The following ZNF770 variants were observed in gnomAD, a reference collection of about 807,000 sequenced individuals.
The protein encoded by ZNF770 is zinc finger protein 770.
ZNF770 carries 13 observed loss-of-function variants against 44.8 expected under a neutral mutation model. That is an observed-to-expected ratio of 0.29 (90% CI 0.19 to 0.46). The LOEUF is 0.46. ZNF770 is among the 20% of genes least tolerant of loss of function. The probability of loss-of-function intolerance (pLI) is 1.00; values close to 1 mark genes in which losing one functional copy is unlikely to be tolerated. For missense variants in ZNF770, 681 were observed against 797.9 expected (o/e 0.85, Z 1.77); for synonymous variants, 304 against 271.8 (o/e 1.12, Z -1.17).
Position 34,988,259 on chromosome 15 carries a change from GC to G in ZNF770, c.-318del, listed in dbSNP as rs2050448680. 1 of 152,176 alleles carries G rather than the reference GC, an allele frequency of 6.6e-6. No individual in the cohort carries two copies. Among genetic ancestry groups the G allele is most frequent in the African/African-American group, 2.4e-5 (1 of 41,446 alleles). The allele number at this position is 152,176 out of a possible 1,614,324, so 9.4% of individuals were successfully genotyped here. Reference sequence around the variant, plus strand: ...GGCCCAGGTGCCGCGAAGGCAGCGCGCGCACGTCCGCAGGGCCGGCGCGGCA... The same window carrying G: ...GGCCCAGGTGCCGCGAAGGCAGCGCGGCACGTCCGCAGGGCCGGCGCGGCA... On this transcript the variant is annotated 5_prime_UTR_variant, in exon 1 of 3. Coordinates refer to ENST00000356321, the MANE Select transcript of ZNF770 (RefSeq NM_014106.4).
Position 34,982,075 on chromosome 15 carries a change from A to G in ZNF770, c.1360T>C (p.Cys454Arg). 5 of 1,613,874 alleles carry G rather than the reference A, an allele frequency of 3.1e-6. No homozygotes were observed. Among genetic ancestry groups the G allele is most frequent in the Non-Finnish European group, 4.2e-6 (5 of 1,180,024 alleles). The part of the protein sequence containing the change: ...GSSGEEFFNN[C>R]EVLQCGFSVP... ...GAAAAACCACACTGAAGTACCTCAC[A>G]GTTATTAAAGAATTCCTCACCTGAT... The change falls in exon 3 of 3, where the codon TGT becomes CGT. Residue 454 changes from cysteine to arginine, a missense_variant. Physicochemically the swap from Cys to Arg is radical, Grantham distance 180 (BLOSUM62 -3). Coordinates refer to ENST00000356321, the MANE Select transcript of ZNF770 (RefSeq NM_014106.4).
In ZNF770 at chr15:34,983,007, G is replaced by T. The variant is rs776984961; in HGVS notation, c.428C>A (p.Pro143Gln). Reference sequence around the variant, plus strand: ...ATACATGGGATCAGACTTAGAGCACGGGTGTAATGCCCATCTTTCCTCTGT... The same window carrying T: ...ATACATGGGATCAGACTTAGAGCACTGGTGTAATGCCCATCTTTCCTCTGT... ...FTTEERWALH[P>Q]CSKSDPMYSM... Residue 143 changes from proline to glutamine, a missense_variant, in exon 3 of 3, where the codon CCG becomes CAG. By Grantham distance (76) the Pro-to-Gln change is moderately conservative. This residue lies in a region of ZNF770 where 432 missense variants were observed against 434.1 expected (regional missense o/e 1.00). Coordinates refer to ENST00000356321, the MANE Select transcript of ZNF770 (RefSeq NM_014106.4). The T allele has an allele frequency of 6.2e-7, 1 of 1,613,978 alleles. No homozygotes were observed. The highest frequency in any genetic ancestry group is 8.5e-7 in the Non-Finnish European group (1 of 1,179,950).
rs1357421099 is a variant in ZNF770, at chr15:34,979,691, C to T, written c.*1668G>A. 2.2e-6 allele frequency: 1 copy of T among 445,212 alleles called. No individual in the cohort carries two copies. Among genetic ancestry groups the T allele is most frequent in the South Asian group, 1.6e-5 (1 of 62,872 alleles). 27.6% of individuals were successfully genotyped at this position (445,212 alleles called of 1,614,324 possible). On this transcript the variant is annotated 3_prime_UTR_variant, in exon 3 of 3. Transcript: ENST00000356321. ...CTCCCCCCTGTCAAAAGAAAGTTCT[C>T]AGTTTATGATGCAAAACTTACAATT...
chr15:34,986,119 G>A (rs940430939), intron 2 of ZNF770, among the ~76,000 whole-genome samples: 1 of 152,034 alleles, frequency 6.6e-6, no homozygotes. Flanking sequence ...ATCTATTAAG[G>A]TGAGAAAGAT....
Position 34,982,044 on chromosome 15 carries a change from G to T in ZNF770, c.1391C>A (p.Pro464Gln). The change falls in exon 3 of 3, where the codon CCA becomes CAA. Residue 464 changes from proline to glutamine, a missense_variant. Physicochemically the swap from Pro to Gln is moderately conservative, Grantham distance 76 (BLOSUM62 -1). Coordinates refer to ENST00000356321, the MANE Select transcript of ZNF770 (RefSeq NM_014106.4). Reference sequence around the variant, plus strand: ...ATGTCTAGTACGTATGTTTTCCCTTGGAACTGAAAAACCACACTGAAGTAC... The same window carrying T: ...ATGTCTAGTACGTATGTTTTCCCTTTGAACTGAAAAACCACACTGAAGTAC... ...CEVLQCGFSV[P>Q]RENIRTRHKI... 6.2e-7 allele frequency: 1 copy of T among 1,613,472 alleles called. No individual in the cohort carries two copies. Among genetic ancestry groups the T allele is most frequent in the Non-Finnish European group, 8.5e-7 (1 of 1,179,956 alleles).
rs2050392225 is a variant in ZNF770 at position 34,980,251 on chromosome 15, T to G, written c.*1108A>C. On this transcript the variant is annotated 3_prime_UTR_variant, in exon 3 of 3. Transcript: ENST00000356321. ...AGTCTATGACTACTGCTATCATTAATGAGCAAATAAATGACTTGAAATTAT... is the reference window on the plus strand; with the variant it reads ...AGTCTATGACTACTGCTATCATTAAGGAGCAAATAAATGACTTGAAATTAT... 6.6e-6 allele frequency: 1 copy of G among 152,216 alleles called. No homozygotes were observed. The highest frequency in any genetic ancestry group is 1.5e-5 in the Non-Finnish European group (1 of 68,040). 9.4% of individuals were successfully genotyped at this position (152,216 alleles called of 1,614,324 possible).
rs2050382661 is a variant in ZNF770, at chr15:34,978,771, GT to G, written c.*2587del. On this transcript the variant is annotated 3_prime_UTR_variant, in exon 3 of 3. Coordinates refer to ENST00000356321, the MANE Select transcript of ZNF770 (RefSeq NM_014106.4). ...ACAGTTGTCCCTTGGTATCCATGGG[GT>G]ATTGGTTCCTGGACCGTCCCCCCAA... 1 of 152,066 alleles carries G rather than the reference GT, an allele frequency of 6.6e-6. No homozygotes were observed. Among genetic ancestry groups the G allele is most frequent in the Non-Finnish European group, 1.5e-5 (1 of 68,016 alleles). The allele number at this position is 152,066 out of a possible 1,614,324, so 9.4% of individuals were successfully genotyped here.
At position 34,987,548 on chromosome 15, in the gene ZNF770, A is replaced by AAT. The variant is rs2050443103; in HGVS notation, c.-57+8_-57+9insAT. 1 of 152,262 alleles carries AAT rather than the reference A, an allele frequency of 6.6e-6. No homozygotes were observed. The highest frequency in any genetic ancestry group is 1.9e-4 in the East Asian group (1 of 5,208). The allele number at this position is 152,262 out of a possible 1,614,324, so 9.4% of individuals were successfully genotyped here. On this transcript the variant is annotated intron_variant, in intron 2 of 2. Coordinates refer to ENST00000356321, the MANE Select transcript of ZNF770 (RefSeq NM_014106.4). ...CTACGTGAAGACTGTAAAAACTGTA[A>AAT]AAACTGACCTCAATAATATCCAATG...
chr15:34,983,444 T>C lies in ZNF770; in HGVS notation c.-10A>G. The C allele has an allele frequency of 6.5e-7, 1 of 1,534,972 alleles. No individual in the cohort carries two copies. The highest frequency in any genetic ancestry group is 8.8e-7 in the Non-Finnish European group (1 of 1,140,484). ...TGTTTTCAGCCATCATATTCTTCAA[T>C]GATATACTCTGATGAGCTCCATACT... On this transcript the variant is annotated 5_prime_UTR_variant, in exon 3 of 3. Coordinates refer to ENST00000356321, the MANE Select transcript of ZNF770 (RefSeq NM_014106.4).
At chr15:34,985,799 C>T (rs2050430618) in intron 2 of ZNF770, among the ~76,000 whole-genome samples, 1 of 151,968 alleles carries the variant, frequency 6.6e-6, no homozygotes, top group Non-Finnish European at 1.5e-5. Context: ...GAGGCTGAGT[C>T]AGGAGAATTG....
intron 2 of ZNF770, among the ~76,000 whole-genome samples, chr15:34,985,043 A>T (rs185019826): frequency 1.2e-4 from 18 of 151,870 alleles, no homozygotes; most frequent in African/African-American, 4.1e-4. Context: ...CTGCAGCACG[A>T]TAATTGCTTG....
At chr15:34,983,558 GTTC>G (rs2050416530) in intron 2 of ZNF770, 68 bp from the exon 3 acceptor site, 1 of 887,496 alleles carries the variant, frequency 1.1e-6, no homozygotes. Flanking sequence ...AACTTAAGTT[GTTC>G]TTTGGCTGAA....
Position 34,983,451 on chromosome 15 carries a change from C to G in ZNF770, c.-17G>C. 1 of 1,519,948 alleles carries G rather than the reference C, an allele frequency of 6.6e-7. No individual in the cohort carries two copies. Among genetic ancestry groups the G allele is most frequent in the South Asian group, 1.3e-5 (1 of 74,506 alleles). The allele number at this position is 1,519,948 out of a possible 1,614,324, so 94.2% of individuals were successfully genotyped here. ...AGCCATCATATTCTTCAATGATATA[C>G]TCTGATGAGCTCCATACTGTTCTTA... On this transcript the variant is annotated 5_prime_UTR_variant, in exon 3 of 3. Coordinates refer to ENST00000356321, the MANE Select transcript of ZNF770 (RefSeq NM_014106.4).
rs2050414528 is a variant in ZNF770, at chr15:34,983,213, T to C, written c.222A>G (p.Gln74=). 16 of 1,613,364 alleles carry C rather than the reference T, an allele frequency of 9.9e-6. No individual in the cohort carries two copies. Among genetic ancestry groups the C allele is most frequent in the African/African-American group, 2.7e-5 (2 of 74,920 alleles). The change falls in exon 3 of 3, where the codon CAA becomes CAG. Residue 74 remains glutamine (Q), a synonymous_variant. Coordinates refer to ENST00000356321, the MANE Select transcript of ZNF770 (RefSeq NM_014106.4). ...FRQLVHLERH[Q]LTHSLPFKCS... is the part of the protein sequence containing the mutation. ...ATTTAAAAGGCAGACTATGAGTTAG[T>C]TGATGCCTCTCCAGATGAACTAGTT... is the stretch of plus-strand genomic sequence containing the variant.
chr15:34,982,677 C>A lies in ZNF770; in HGVS notation c.758G>T (p.Arg253Leu), dbSNP rs188291061. The change falls in exon 3 of 3, where the codon CGT becomes CTT. Residue 253 changes from arginine to leucine, a missense_variant. By Grantham distance (102) the Arg-to-Leu change is moderately radical (BLOSUM62 -2). Transcript: ENST00000356321. ...AFRALLLKKR[R>L]TESRPLPNKL... ...ATTAGGCAGGGGGCGAGATTCTGTACGCCTCTTCTTTAATAAAAGAGCCCG... is the reference window on the plus strand; with the variant it reads ...ATTAGGCAGGGGGCGAGATTCTGTAAGCCTCTTCTTTAATAAAAGAGCCCG... The A allele has an allele frequency of 6.2e-7, 1 of 1,612,664 alleles. No homozygotes were observed. Among genetic ancestry groups the A allele is most frequent in the Non-Finnish European group, 8.5e-7 (1 of 1,179,964 alleles).
Position 34,981,108 on chromosome 15 carries a change from GTA to G in ZNF770, c.*249_*250del, listed in dbSNP as rs1252301195. 15 of 431,188 alleles carry G rather than the reference GTA, an allele frequency of 3.5e-5. No individual in the cohort carries two copies. Among genetic ancestry groups the G allele is most frequent in the Non-Finnish European group, 2.5e-5 (6 of 243,370 alleles). 26.7% of individuals were successfully genotyped at this position (431,188 alleles called of 1,614,324 possible). A position where few individuals can be genotyped will look rare whatever the true frequency, so the allele number is the denominator to read the frequency against. Reference sequence around the variant, plus strand: ...ATTTATATTTTTCAATACAGCCAAAGTATATGTTTACAATATTAAAATGCCTA... The same window carrying G: ...ATTTATATTTTTCAATACAGCCAAAGTATGTTTACAATATTAAAATGCCTA... On this transcript the variant is annotated 3_prime_UTR_variant, in exon 3 of 3. Transcript: ENST00000356321.
At chr15:34,983,523 A>T (rs1349419924) in intron 2 of ZNF770, 33 bp from the exon 3 acceptor site, 1 of 1,139,100 alleles carries the variant, frequency 8.8e-7, no homozygotes, top group Non-Finnish European at 1.1e-6. Flanking sequence ...TATTAATTTT[A>T]AAATTATTTA....
rs2050402085 is a variant in ZNF770, at chr15:34,981,608, A to C, written c.1827T>G (p.Pro609=). 6.2e-7 allele frequency: 1 copy of C among 1,614,170 alleles called. No individual in the cohort carries two copies. The highest frequency in any genetic ancestry group is 1.3e-5 in the African/African-American group (1 of 75,040). ...CCTGATGCTCTGAATAACTGCAAAA[A>C]GGATTGCTTTGCTCTGATTCCAAAA... ...NVLLESEQSN[P]FCSYSEHQEK... Residue 609 remains proline, a synonymous_variant, in exon 3 of 3, where the codon CCT becomes CCG. Coordinates refer to ENST00000356321, the MANE Select transcript of ZNF770 (RefSeq NM_014106.4).
At position 34,981,249 on chromosome 15, in the gene ZNF770, T is replaced by G. The variant is rs572308988; in HGVS notation, c.*110A>C. On this transcript the variant is annotated 3_prime_UTR_variant, in exon 3 of 3. Coordinates refer to ENST00000356321, the MANE Select transcript of ZNF770 (RefSeq NM_014106.4). ...TTACTATGCAGGACAAGCAAATGCC[T>G]GTGAAACCATTCAGTTTAATGCAGG... 8.9e-7 allele frequency: 1 copy of G among 1,129,324 alleles called. No individual in the cohort carries two copies. Among genetic ancestry groups the G allele is most frequent in the Non-Finnish European group, 1.2e-6 (1 of 820,726 alleles). The allele number at this position is 1,129,324 out of a possible 1,614,324, so 70.0% of individuals were successfully genotyped here.
Sources: allele counts gnomAD v4.1 joint callset (sites outside exome capture counted in the v4.1 genomes callset), GRCh38; gene constraint gnomAD v4.1.1; regional missense constraint gnomAD v4.1.1; transcripts MANE v1.5; gene names NCBI Gene and HGNC (gene_info 2026-07-23, HGNC 2026-07-21).